SORBS2: variants seen among roughly 807,000 people sequenced by gnomAD.
SORBS2 encodes sorbin and SH3 domain-containing protein 2.
Under a neutral mutation model 97.7 loss-of-function variants are expected in SORBS2, and 46 were observed. The ratio of observed to expected loss-of-function variants is 0.47; its 90% CI spans 0.37 to 0.60. SORBS2 has a LOEUF of 0.60. SORBS2 is among the 20% of genes least tolerant of loss of function. SORBS2 has a pLI of 0.00. For synonymous variants in SORBS2, 476 were observed against 473.4 expected, an observed-to-expected ratio of 1.01 and a Z score of -0.07; for missense variants, 1,316 against 1,282.3, an observed-to-expected ratio of 1.03 and a Z score of -0.40.
At chr4:185,625,766 A>G (rs2096800328) in intron 6 of SORBS2, among the ~76,000 whole-genome samples, 1 of 152,222 alleles carries the variant, frequency 6.6e-6, no homozygotes, top group Non-Finnish European at 1.5e-5. Flanking sequence ...CAGCTTTACA[A>G]GGCCTTAAAA....
chr4:185,667,001 G>T (rs566395750), intron 4 of SORBS2, among the ~76,000 whole-genome samples: 78 of 152,358 alleles, frequency 5.1e-4, no homozygotes, highest in Non-Finnish European at 9.1e-4. Flanking sequence ...GTAGGAGGAA[G>T]AGAGAAGATG....
At position 185,887,588 on chromosome 4, in the gene SORBS2, T is replaced by G. The variant is rs116592534; in HGVS notation, c.-338+68608A>C. Among the ~76,000 whole-genome samples, 621 of 152,298 alleles carry G rather than the reference T, an allele frequency of 4.1e-3. 6 individuals carry two copies. The highest frequency in any genetic ancestry group is 0.014 in the African/African-American group (595 of 41,546). ...TTAAAAATATTTTTTTGCAAGTGAT[T>G]TGAAGTATGCTATTTATGATATTTC... On this transcript the variant is annotated intron_variant, in intron 1 of 20. Transcript: ENST00000284776.
intron 1 of SORBS2, chr4:185,656,489 T>C: frequency 2.0e-6 from 1 of 488,624 alleles, no homozygotes; most frequent in Non-Finnish European, 3.6e-6. Flanking sequence ...CCTCTATCCC[T>C]TATTGTCTTG....
intron 2 of SORBS2, among the ~76,000 whole-genome samples, chr4:185,753,642 T>C (rs752926220): frequency 1.6e-4 from 25 of 152,188 alleles, no homozygotes; most frequent in Non-Finnish European, 3.1e-4. Flanking sequence ...AGAATAACTC[T>C]TATTCTATCA....
intron 1 of SORBS2, among the ~76,000 whole-genome samples, chr4:185,859,616 A>G (rs1044515730): frequency 6.6e-6 from 1 of 152,146 alleles, no homozygotes; most frequent in Non-Finnish European, 1.5e-5. Context: ...AAATATGTGT[A>G]TTCTAGACCC....
chr4:185,617,282 A>G (rs114529027), intron 9 of SORBS2, among the ~76,000 whole-genome samples: 1,877 of 152,364 alleles, frequency 0.012, 30 homozygotes, highest in African/African-American at 0.044. Flanking sequence ...GGAGTACAGT[A>G]GAAACAAAGC....
chr4:185,826,966 G>C (rs66842233), intron 1 of SORBS2, among the ~76,000 whole-genome samples: 23,611 of 151,252 alleles, frequency 0.16, 2,240 homozygotes, highest in African/African-American at 0.27. Context: ...GACATGCAGT[G>C]GTTTTCCTTC....
chr4:185,764,573 T>C (rs775733752), intron 2 of SORBS2, among the ~76,000 whole-genome samples: 16 of 152,194 alleles, frequency 1.1e-4, no homozygotes, highest in Non-Finnish European at 2.2e-4. Flanking sequence ...CATTATACTA[T>C]CTGTGATAAA....
intron 1 of SORBS2, among the ~76,000 whole-genome samples, chr4:185,793,453 GTGTT>G (rs1256988011): frequency 6.6e-6 from 1 of 152,228 alleles, no homozygotes; most frequent in East Asian, 1.9e-4. Flanking sequence ...ATACAAGAGT[GTGTT>G]TGTTATACTC....
Position 185,626,204 on chromosome 4 carries a change from A to G in SORBS2, c.634+628T>C, listed in dbSNP as rs115753241. On this transcript the variant is annotated intron_variant, in intron 6 of 14. Transcript: ENST00000418609. ...GCCATCCAGAAAAAAAGGCTTGGTGATTCCTCAGTGATATCATTATGGTTT... is the reference window on the plus strand; with the variant it reads ...GCCATCCAGAAAAAAAGGCTTGGTGGTTCCTCAGTGATATCATTATGGTTT... Among the ~76,000 whole-genome samples, 748 of 152,346 alleles carry G rather than the reference A, an allele frequency of 4.9e-3. 3 individuals are homozygous for G. The highest frequency in any genetic ancestry group is 0.017 in the African/African-American group (721 of 41,584).
In SORBS2 at chr4:185,620,050, T is replaced by C; in HGVS notation, c.2304+13A>G. 1 of 1,536,668 alleles carries C rather than the reference T, an allele frequency of 6.5e-7. No individual in the cohort carries two copies. Among genetic ancestry groups the C allele is most frequent in the Non-Finnish European group, 9.0e-7 (1 of 1,109,190 alleles). ...GTTGCTGTGAAAGACTCCAATGCTA[T>C]TAAATTAACTACCTCTTTTTCTGGA... On this transcript the variant is annotated intron_variant, in intron 8 of 14. Transcript: ENST00000418609.
chr4:185,879,767 CTTTG>C (rs147270250), intron 1 of SORBS2, among the ~76,000 whole-genome samples: 20,410 of 152,116 alleles, frequency 0.13, 1,569 homozygotes, highest in Non-Finnish European at 0.18. Context: ...TCTCTGATGG[CTTTG>C]TTTTTCTCAT....
chr4:185,602,647 T>A (rs1341651024), intron 12 of SORBS2, among the ~76,000 whole-genome samples: 1 of 152,250 alleles, frequency 6.6e-6, no homozygotes. Context: ...ACTAAGAGTT[T>A]ATTTTCTCTT....
chr4:185,912,717 T>C (rs1435279706), intron 1 of SORBS2, among the ~76,000 whole-genome samples: 3 of 152,112 alleles, frequency 2.0e-5, no homozygotes, highest in African/African-American at 7.2e-5. Context: ...GCAGCTTCTT[T>C]GTTAGCCCTC....
At chr4:185,654,368 A>G (rs2097362257) in intron 1 of SORBS2, among the ~76,000 whole-genome samples, 1 of 152,234 alleles carries the variant, frequency 6.6e-6, no homozygotes, top group African/African-American at 2.4e-5. Flanking sequence ...GCAACAGAAA[A>G]TACAACATAG....
At chr4:185,624,080 G>A (rs773054747) in exon 7 of SORBS2, 33 of 1,614,070 alleles carry the variant, frequency 2.0e-5, no homozygotes, top group Non-Finnish European at 2.6e-5. Flanking sequence ...GAACCCCGGG[G>A]CGTTGCGGGC....
intron 4 of SORBS2, 45 bp downstream of exon 15, chr4:185,638,034 A>C (rs762844633): frequency 8.8e-7 from 1 of 1,138,274 alleles, no homozygotes; most frequent in East Asian, 2.3e-5. Context: ...GAAATCAAAC[A>C]GTATACTCCT....
At chr4:185,868,180 A>G (rs1470453751) in intron 1 of SORBS2, among the ~76,000 whole-genome samples, 2 of 15,926 alleles carry the variant, frequency 1.3e-4, no homozygotes, top group African/African-American at 6.5e-4. Context: ...TTTTTGAGGC[A>G]GAGTCTCACT....
At chr4:185,823,553 A>G (rs2099198051) in intron 1 of SORBS2, among the ~76,000 whole-genome samples, 1 of 152,214 alleles carries the variant, frequency 6.6e-6, no homozygotes, top group Non-Finnish European at 1.5e-5. Context: ...AATGGTTATT[A>G]AAAATAGCAA....
Sources: gnomAD v4.1 joint callset for allele counts (sites outside exome capture counted in the v4.1 genomes callset) on GRCh38, gnomAD v4.1.1 for gene constraint, MANE v1.5 for transcripts, NCBI Gene and HGNC (gene_info 2026-07-23, HGNC 2026-07-21) for gene names.